Variants in CTNND2 observed in about 807,000 individuals in gnomAD.
The protein encoded by CTNND2 is catenin delta-2.
Under a neutral mutation model 144.4 loss-of-function variants are expected in CTNND2, and 22 were observed. That is an observed-to-expected ratio of 0.15 (90% CI 0.11 to 0.22). The LOEUF (loss-of-function observed/expected upper bound fraction) is 0.22. CTNND2 is among the 10% of genes least tolerant of loss of function. CTNND2 has a pLI of 1.00. For synonymous variants in CTNND2, 751 were observed against 695.6 expected (o/e 1.08, Z -1.25); for missense variants, 1,353 against 1,618.8 (o/e 0.84, Z 2.82).
intron 2 of CTNND2, among the ~76,000 whole-genome samples, chr5:11,666,666 G>A (rs566860049): frequency 6.6e-6 from 1 of 152,150 alleles, no homozygotes; most frequent in Admixed American, 6.6e-5. Flanking sequence ...TTTCTGTAAC[G>A]TATGAGGGAA....
intron 2 of CTNND2, among the ~76,000 whole-genome samples, chr5:11,672,146 C>G (rs1168777176): frequency 6.6e-6 from 1 of 152,222 alleles, no homozygotes; most frequent in Non-Finnish European, 1.5e-5. Flanking sequence ...CTGTTCCTCC[C>G]TCTGGAAGCT....
At chr5:11,031,282 A>G (rs1269798837) in intron 16 of CTNND2, among the ~76,000 whole-genome samples, 1 of 152,156 alleles carries the variant, frequency 6.6e-6, no homozygotes, top group Non-Finnish European at 1.5e-5. Context: ...CAATCAGCAG[A>G]AAGAACAGAT....
chr5:11,900,934 A>T (rs772493073), intron 1 of CTNND2, among the ~76,000 whole-genome samples: 1 of 152,230 alleles, frequency 6.6e-6, no homozygotes, highest in Non-Finnish European at 1.5e-5. Flanking sequence ...TGAGACTAGC[A>T]TCAAGGATTT....
chr5:11,704,603 G>T (rs1785607713), intron 2 of CTNND2, among the ~76,000 whole-genome samples: 1 of 152,054 alleles, frequency 6.6e-6, no homozygotes, highest in Non-Finnish European at 1.5e-5. Context: ...AACGGACTGT[G>T]TTGGTCCTGG....
At chr5:11,374,737 T>C (rs1757758726) in intron 7 of CTNND2, among the ~76,000 whole-genome samples, 1 of 151,340 alleles carries the variant, frequency 6.6e-6, no homozygotes, top group Admixed American at 6.6e-5. Context: ...TACGAATATT[T>C]CCATGGAAAT....
chr5:11,117,616 G>A (rs1394873026), intron 12 of CTNND2, 49 bp from the exon 13 acceptor site: 2 of 1,467,036 alleles, frequency 1.4e-6, no homozygotes, highest in Non-Finnish European at 9.6e-7. Flanking sequence ...GTCACCAAAA[G>A]AATGTCTTTC....
chr5:11,681,045 C>T (rs1470587190), intron 2 of CTNND2, among the ~76,000 whole-genome samples: 1 of 152,030 alleles, frequency 6.6e-6, no homozygotes, highest in African/African-American at 2.4e-5. Flanking sequence ...AGATGTCTGC[C>T]ATGGCCATGA....
At position 11,022,908 on chromosome 5, in the gene CTNND2, C is replaced by T; in HGVS notation, c.2860G>A (p.Ala954Thr). ...GCTGTCACTGTGTCATCCGACATGG[C>T]CTTGCTTGCAGTGTTGTTGCTGTTG... is the stretch of plus-strand genomic sequence containing the variant. The part of the protein sequence containing the change: ...GNNSNNTASK[A>T]MSDDTVTAVC... Residue 954 changes from alanine (A) to threonine (T), a missense_variant, in exon 17 of 22, where the codon GCC (alanine) becomes ACC (threonine). Physicochemically the swap from Ala to Thr is moderately conservative, Grantham distance 58. Transcript: ENST00000304623. 1 of 1,614,206 alleles carries T rather than the reference C, an allele frequency of 6.2e-7. No homozygotes were observed. Among genetic ancestry groups the T allele is most frequent in the Non-Finnish European group, 8.5e-7 (1 of 1,180,038 alleles).
intron 1 of CTNND2, among the ~76,000 whole-genome samples, chr5:11,776,794 C>T (rs1790279594): frequency 6.6e-6 from 1 of 152,066 alleles, no homozygotes; most frequent in African/African-American, 2.4e-5. Context: ...TAAAAAAAGG[C>T]ATAATGTTGA....
intron 9 of CTNND2, among the ~76,000 whole-genome samples, chr5:11,345,551 G>A (rs1754687630): frequency 6.6e-6 from 1 of 152,046 alleles, no homozygotes; most frequent in Non-Finnish European, 1.5e-5. Context: ...TCCTTGAGAT[G>A]AATTTTAAGT....
At position 11,468,947 on chromosome 5, in the gene CTNND2, C is replaced by T. The variant is rs562903547; in HGVS notation, c.288-56878G>A. On this transcript the variant is annotated intron_variant, in intron 3 of 21. Transcript: ENST00000304623. ...TGGCCCTAAGGGTTTCTACATAAGT[C>T]TCCAGTTTAAATTTTTCAGCTTGGG... 2.3e-4 allele frequency among the ~76,000 whole-genome samples: 35 copies of T among 152,208 alleles called. 1 individual carries two copies. In the South Asian group the frequency reaches 2.9e-3, roughly 13 times the overall value.
At chr5:11,584,187 A>C (rs773017520) in intron 2 of CTNND2, among the ~76,000 whole-genome samples, 1 of 152,226 alleles carries the variant, frequency 6.6e-6, no homozygotes, top group African/African-American at 2.4e-5. Context: ...GATAAAATTC[A>C]TGAAGAAGGA....
intron 16 of CTNND2, among the ~76,000 whole-genome samples, chr5:11,077,213 T>G (rs1296828005): frequency 6.6e-6 from 1 of 152,134 alleles, no homozygotes; most frequent in East Asian, 1.9e-4. Flanking sequence ...ATAAGAGAAC[T>G]CTCTGCTCTT....
intron 3 of CTNND2, among the ~76,000 whole-genome samples, chr5:11,527,214 G>A (rs902767181): frequency 1.3e-5 from 2 of 152,024 alleles, no homozygotes; most frequent in African/African-American, 4.8e-5. Flanking sequence ...TATTAAAATG[G>A]TAAATGTTAT....
intron 14 of CTNND2, 118 bp downstream of exon 14, chr5:11,110,740 C>T (rs1463094393): frequency 1.9e-5 from 18 of 924,504 alleles, no homozygotes; most frequent in Non-Finnish European, 2.7e-5. Flanking sequence ...TGTGCAGATG[C>T]ATTAGTGATT....
At chr5:11,541,637 A>G (rs917619546) in intron 3 of CTNND2, among the ~76,000 whole-genome samples, 2 of 152,194 alleles carry the variant, frequency 1.3e-5, no homozygotes, top group Non-Finnish European at 2.9e-5. Flanking sequence ...GACAAAGACC[A>G]AGAAACAGTT....
chr5:11,527,616 C>G (rs560118782), intron 3 of CTNND2, among the ~76,000 whole-genome samples: 5 of 152,350 alleles, frequency 3.3e-5, no homozygotes, highest in African/African-American at 1.2e-4. Context: ...TCCAAGGCAT[C>G]TCTGAGACTT....
chr5:11,135,810 G>A (rs1007073132), intron 12 of CTNND2, among the ~76,000 whole-genome samples: 2 of 152,182 alleles, frequency 1.3e-5, no homozygotes, highest in South Asian at 2.1e-4. Flanking sequence ...ACCATGCAGC[G>A]AGATGCAGTG....
chr5:11,084,037 C>T (rs1749878786), intron 15 of CTNND2: 2 of 794,468 alleles, frequency 2.5e-6, no homozygotes, highest in African/African-American at 3.8e-5. Flanking sequence ...TTATCACCAT[C>T]AACCCACACT....
Sources: allele counts gnomAD v4.1 joint callset (sites outside exome capture counted in the v4.1 genomes callset), GRCh38; gene constraint gnomAD v4.1.1; transcripts MANE v1.5; gene names NCBI Gene and HGNC (gene_info 2026-07-23, HGNC 2026-07-21).